Variants in KAZN observed in about 807,000 individuals in gnomAD.
The protein encoded by KAZN is kazrin.
In KAZN, 40 loss-of-function variants were observed where a neutral mutation model predicts 87.4. The observed-to-expected ratio is 0.46, with a 90% CI of 0.36 to 0.60. The LOEUF (loss-of-function observed/expected upper bound fraction) is 0.60. Ranked by LOEUF, KAZN falls within the 20% of genes least tolerant of loss-of-function variation. The pLI is 0.00. For synonymous variants in KAZN, 466 were observed against 458.3 expected, an observed-to-expected ratio of 1.02 and a Z score of -0.22; for missense variants, 898 against 1,073.9, an observed-to-expected ratio of 0.84 and a Z score of 2.29.
At position 15,114,828 on chromosome 1, in the gene KAZN, T is replaced by A. The variant is rs775563342; in HGVS notation, c.*193T>A. ...GAGAGAGAAGACACCAGCCCACCTG[T>A]CTTGGGTGGGCCATGGACTTTCCTG... On this transcript the variant is annotated 3_prime_UTR_variant, in exon 15 of 15. Transcript: ENST00000376030. The A allele has an allele frequency of 3.6e-6, 2 of 550,736 alleles. No individual in the cohort carries two copies. The highest frequency in any genetic ancestry group is 1.9e-5 in the African/African-American group (1 of 53,186). The allele number at this position is 550,736 out of a possible 1,614,324, so 34.1% of individuals were successfully genotyped here.
intron 2 of KAZN, among the ~76,000 whole-genome samples, chr1:15,025,849 G>A (rs1181930400): frequency 2.0e-5 from 3 of 152,192 alleles, no homozygotes; most frequent in East Asian, 3.9e-4. Context: ...CAGACTGGGC[G>A]CAGTGGCTCA....
chr1:14,703,885 TA>T (rs1299545963), intron 1 of KAZN, among the ~76,000 whole-genome samples: 2 of 151,964 alleles, frequency 1.3e-5, no homozygotes, highest in African/African-American at 4.8e-5. Context: ...ACTTTGTCTC[TA>T]AAAAAATGAA....
chr1:14,936,732 G>T (rs990507028), intron 1 of KAZN, among the ~76,000 whole-genome samples: 2 of 152,196 alleles, frequency 1.3e-5, no homozygotes. Context: ...TATTCTGGAA[G>T]AGGGTTTTTT....
At chr1:13,910,865 T>G (rs1342506066) in intron 1 of KAZN, among the ~76,000 whole-genome samples, 1 of 152,016 alleles carries the variant, frequency 6.6e-6, no homozygotes, top group African/African-American at 2.4e-5. Flanking sequence ...ACTGGGTAAT[T>G]TATAAAGAAA....
At chr1:14,776,425 C>T (rs757348050) in intron 1 of KAZN, among the ~76,000 whole-genome samples, 6 of 152,216 alleles carry the variant, frequency 3.9e-5, no homozygotes, top group African/African-American at 7.2e-5. Context: ...AGACCCCTGT[C>T]CTTGGGATCT....
intron 1 of KAZN, among the ~76,000 whole-genome samples, chr1:13,921,412 AT>A (rs1640063470): frequency 6.6e-6 from 1 of 152,222 alleles, no homozygotes; most frequent in Admixed American, 6.5e-5. Context: ...AAGCAAATGA[AT>A]GTGGCTGTGT....
At chr1:14,707,461 G>A (rs556118377) in intron 1 of KAZN, among the ~76,000 whole-genome samples, 9 of 152,218 alleles carry the variant, frequency 5.9e-5, no homozygotes, top group South Asian at 4.2e-4. Context: ...GTTTCTCTCC[G>A]GCCATCAACT....
chr1:14,647,831 C>A (rs76000149), intron 1 of KAZN, among the ~76,000 whole-genome samples: 3 of 152,206 alleles, frequency 2.0e-5, no homozygotes, highest in Non-Finnish European at 4.4e-5. Flanking sequence ...CGCACCTTAA[C>A]CCCCTAAAGG....
intron 1 of KAZN, among the ~76,000 whole-genome samples, chr1:14,897,751 C>A (rs1431870118): frequency 6.6e-6 from 1 of 152,130 alleles, no homozygotes; most frequent in Non-Finnish European, 1.5e-5. Flanking sequence ...GATATGTTAT[C>A]TTGGTTTGTA....
At chr1:14,340,307 C>T (rs939472717) in intron 2 of KAZN, among the ~76,000 whole-genome samples, 1 of 152,218 alleles carries the variant, frequency 6.6e-6, no homozygotes. Flanking sequence ...CTATGTGTTT[C>T]TTTTGAGAAG....
chr1:14,889,821 C>T (rs1002446223), intron 1 of KAZN, among the ~76,000 whole-genome samples: 2 of 152,146 alleles, frequency 1.3e-5, no homozygotes, highest in Non-Finnish European at 2.9e-5. Flanking sequence ...ACAGCCTTGC[C>T]CATGTATTTA....
At chr1:14,008,719 C>T (rs888572400) in intron 1 of KAZN, among the ~76,000 whole-genome samples, 21 of 152,040 alleles carry the variant, frequency 1.4e-4, no homozygotes, top group Admixed American at 3.9e-4. Context: ...ATGGTGGTAC[C>T]GATATAGCCA....
intron 2 of KAZN, among the ~76,000 whole-genome samples, chr1:14,416,222 T>G (rs911131057): frequency 1.3e-5 from 2 of 152,192 alleles, no homozygotes; most frequent in Non-Finnish European, 2.9e-5. Context: ...TGATTATGTG[T>G]CACCTTACAT....
At chr1:14,926,947 C>T (rs1258761603) in intron 1 of KAZN, among the ~76,000 whole-genome samples, 1 of 152,196 alleles carries the variant, frequency 6.6e-6, no homozygotes, top group Non-Finnish European at 1.5e-5. Flanking sequence ...GAGGCCCGAA[C>T]ACCTTGAATT....
chr1:14,115,182 G>A (rs1029395942), intron 1 of KAZN, among the ~76,000 whole-genome samples: 1 of 152,246 alleles, frequency 6.6e-6, no homozygotes, highest in African/African-American at 2.4e-5. Context: ...CTTGCAGACA[G>A]CCACTTTCTC....
chr1:15,074,049 G>A (rs554463342), intron 8 of KAZN, among the ~76,000 whole-genome samples: 1 of 152,338 alleles, frequency 6.6e-6, no homozygotes, highest in Admixed American at 6.5e-5. Context: ...TGGACTCCCA[G>A]TGTTCAGGTT....
intron 1 of KAZN, among the ~76,000 whole-genome samples, chr1:14,898,656 A>G (rs990247976): frequency 2.0e-5 from 3 of 152,130 alleles, no homozygotes; most frequent in Non-Finnish European, 4.4e-5. Context: ...ACACACACAG[A>G]GTAGGGTAAG....
intron 1 of KAZN, among the ~76,000 whole-genome samples, chr1:14,851,887 A>G (rs1247110777): frequency 1.3e-5 from 2 of 152,172 alleles, no homozygotes; most frequent in Non-Finnish European, 2.9e-5. Flanking sequence ...TCACTGGGGG[A>G]GGGACCTAGT....
chr1:14,461,156 G>A (rs769269842), intron 2 of KAZN, among the ~76,000 whole-genome samples: 14 of 152,106 alleles, frequency 9.2e-5, no homozygotes, highest in African/African-American at 1.7e-4. Context: ...AACAGCATCC[G>A]CCCTTGAGTT....
Sources: gnomAD v4.1 joint callset for allele counts (sites outside exome capture counted in the v4.1 genomes callset) on GRCh38, gnomAD v4.1.1 for gene constraint, MANE v1.5 for transcripts, NCBI Gene and HGNC (gene_info 2026-07-23, HGNC 2026-07-21) for gene names.